LRP1B: variants seen among roughly 807,000 people sequenced by gnomAD.
LRP1B encodes LDL receptor related protein 1B, also known as low-density lipoprotein receptor-related protein 1B.
In LRP1B, 217 loss-of-function variants were observed where a neutral mutation model predicts 556.6. That is an observed-to-expected ratio of 0.39 (90% CI 0.35 to 0.44). The LOEUF (loss-of-function observed/expected upper bound fraction) is 0.44. LRP1B is among the 20% of genes least tolerant of loss of function. The probability of loss-of-function intolerance (pLI) is 1.00; values close to 1 mark genes in which losing one functional copy is unlikely to be tolerated. For missense variants in LRP1B, 5,053 were observed against 5,620.8 expected (o/e 0.90, Z 3.23); for synonymous variants, 2,047 against 1,865.8 (o/e 1.10, Z -2.50).
Position 140,751,178 on chromosome 2 carries a change from A to T in LRP1B, c.5758+18035T>A, listed in dbSNP as rs989863560. On this transcript the variant is annotated intron_variant, in intron 35 of 90. Coordinates refer to ENST00000389484, the MANE Select transcript of LRP1B (RefSeq NM_018557.3). Reference sequence around the variant, plus strand: ...TGGCTAATTTTTGTATCTTTAGTAGAGACGGGGTTTCACCATGTTGGCCAG... The same window carrying T: ...TGGCTAATTTTTGTATCTTTAGTAGTGACGGGGTTTCACCATGTTGGCCAG... 2.0e-5 allele frequency among the ~76,000 whole-genome samples: 3 copies of T among 152,004 alleles called. No individual in the cohort carries two copies. In the South Asian group the frequency reaches 6.2e-4, roughly 31 times the overall value.
chr2:141,691,226 A>G (rs868634669), intron 2 of LRP1B, among the ~76,000 whole-genome samples: 2 of 151,908 alleles, frequency 1.3e-5, no homozygotes, highest in African/African-American at 4.8e-5. Flanking sequence ...CAGCTGAAAA[A>G]TACTAAGCAG....
At chr2:141,048,677 A>G (rs1477813012) in intron 11 of LRP1B, among the ~76,000 whole-genome samples, 1 of 152,128 alleles carries the variant, frequency 6.6e-6, no homozygotes, top group Non-Finnish European at 1.5e-5. Flanking sequence ...ATCTTCTACC[A>G]TACAGCACTG....
chr2:140,782,828 T>C (rs898629353), intron 32 of LRP1B, among the ~76,000 whole-genome samples: 4 of 152,108 alleles, frequency 2.6e-5, no homozygotes, highest in African/African-American at 9.7e-5. Flanking sequence ...GTAAATACAA[T>C]TGTCTTATTT....
intron 59 of LRP1B, among the ~76,000 whole-genome samples, chr2:140,477,275 GTAATA>G (rs1353390470): frequency 6.6e-6 from 1 of 151,980 alleles, no homozygotes; most frequent in Non-Finnish European, 1.5e-5. Context: ...TATCTGAAAT[GTAATA>G]TATTTATTCC....
intron 2 of LRP1B, among the ~76,000 whole-genome samples, chr2:141,525,918 CTTTG>C (rs1684681635): frequency 1.3e-5 from 2 of 151,830 alleles, no homozygotes; most frequent in Admixed American, 6.6e-5. Context: ...GCTGGGTGTT[CTTTG>C]TTTTATTATT....
At chr2:140,290,265 G>A (rs566765725) in intron 84 of LRP1B, among the ~76,000 whole-genome samples, 49 of 152,178 alleles carry the variant, frequency 3.2e-4, no homozygotes, top group African/African-American at 1.1e-3. Flanking sequence ...CATTGAGGGC[G>A]TAATGTGTCA....
chr2:140,821,211 T>C (rs1352655235), intron 31 of LRP1B, among the ~76,000 whole-genome samples: 1 of 152,168 alleles, frequency 6.6e-6, no homozygotes, highest in Non-Finnish European at 1.5e-5. Flanking sequence ...GTCTAGTACC[T>C]AGTGTACACT....
chr2:140,868,360 G>T, intron 25 of LRP1B, 97 bp from the exon 26 acceptor site: 1 of 1,132,798 alleles, frequency 8.8e-7, no homozygotes, highest in Non-Finnish European at 1.2e-6. Flanking sequence ...GCACTGGATA[G>T]GTGATAAGTC....
At chr2:141,948,344 TAAGA>T (rs1701014090) in intron 1 of LRP1B, among the ~76,000 whole-genome samples, 1 of 151,838 alleles carries the variant, frequency 6.6e-6, no homozygotes, top group Non-Finnish European at 1.5e-5. Context: ...GAAATTTTTA[TAAGA>T]AATATAGACA....
In LRP1B at chr2:141,681,173, G is replaced by A. The variant is rs189833070; in HGVS notation, c.205+129106C>T. On this transcript the variant is annotated intron_variant, in intron 2 of 90. Coordinates refer to ENST00000389484, the MANE Select transcript of LRP1B (RefSeq NM_018557.3). ...CCAGGTGTGGTGGCATTCGCCTATA[G>A]TCCCAGCTCCTTGGAGGCTGAGGTG... 7.9e-5 allele frequency among the ~76,000 whole-genome samples: 12 copies of A among 152,160 alleles called. No individual in the cohort carries two copies. The East Asian group carries it at 1.9e-3, about 25-fold the overall frequency.
chr2:140,246,480 C>A (rs567142918), intron 87 of LRP1B, among the ~76,000 whole-genome samples: 14 of 150,926 alleles, frequency 9.3e-5, no homozygotes, highest in African/African-American at 3.4e-4. Context: ...TGATATAGAC[C>A]CACAACGATG....
At chr2:141,361,312 T>A (rs1187626910) in intron 3 of LRP1B, among the ~76,000 whole-genome samples, 1 of 152,180 alleles carries the variant, frequency 6.6e-6, no homozygotes, top group African/African-American at 2.4e-5. Flanking sequence ...TTAAAATAAT[T>A]GTTTTCTTAG....
chr2:140,999,938 G>A (rs1471663143), intron 15 of LRP1B, among the ~76,000 whole-genome samples: 2 of 151,916 alleles, frequency 1.3e-5, no homozygotes, highest in Admixed American at 6.6e-5. Flanking sequence ...TTGAGATGGG[G>A]TCTTGCTCTG....
chr2:141,541,763 A>G (rs550734395), intron 2 of LRP1B, among the ~76,000 whole-genome samples: 1 of 152,220 alleles, frequency 6.6e-6, no homozygotes, highest in South Asian at 2.1e-4. Context: ...GTAATCTAAT[A>G]GAATACATAA....
intron 25 of LRP1B, among the ~76,000 whole-genome samples, chr2:140,878,128 C>T (rs577401630): frequency 9.9e-5 from 15 of 152,226 alleles, no homozygotes; most frequent in African/African-American, 3.4e-4. Flanking sequence ...GGACAATGTA[C>T]TGATAATTGT....
chr2:141,032,906 T>TA (rs1179424262), intron 11 of LRP1B, among the ~76,000 whole-genome samples: 1 of 149,758 alleles, frequency 6.7e-6, no homozygotes, highest in Non-Finnish European at 1.5e-5. Flanking sequence ...CCAGAACCAT[T>TA]AAAAAATACA....
At chr2:140,502,245 C>T (rs1328401051) in intron 54 of LRP1B, among the ~76,000 whole-genome samples, 2 of 151,930 alleles carry the variant, frequency 1.3e-5, no homozygotes, top group Non-Finnish European at 2.9e-5. Flanking sequence ...TTATATGTCA[C>T]TAAAAACTAA....
At position 140,383,950 on chromosome 2, in the gene LRP1B, T is replaced by G. The variant is rs117421070; in HGVS notation, c.10531+1943A>C. On this transcript the variant is annotated intron_variant, in intron 67 of 90. Coordinates refer to ENST00000389484, the MANE Select transcript of LRP1B (RefSeq NM_018557.3). The stretch of plus-strand genomic sequence containing the variant: ...ATCACTGAGTTTCCACAGTGACAAG[T>G]GAGAGTCAATGTTCTTTCTCCTTGC... Among the ~76,000 whole-genome samples, 87 of 152,292 alleles carry G rather than the reference T, an allele frequency of 5.7e-4. 1 individual carries two copies. In the East Asian group the frequency reaches 0.014, roughly 25 times the overall value.
In LRP1B at chr2:141,494,545, T is replaced by C. The variant is rs1221349757; in HGVS notation, c.206-14012A>G. Among the ~76,000 whole-genome samples the C allele has an allele frequency of 2.0e-5, 3 of 151,688 alleles. No individual in the cohort carries two copies. The South Asian group carries it at 6.3e-4, about 32-fold the overall frequency. On this transcript the variant is annotated intron_variant, in intron 2 of 90. Coordinates refer to ENST00000389484, the MANE Select transcript of LRP1B (RefSeq NM_018557.3). The stretch of plus-strand genomic sequence containing the variant: ...AATATTAGGCTGGTGTAAAAGTAAT[T>C]GCTGTTTTTGCCACTGAAACTAATA...
Sources: gnomAD v4.1 joint callset for allele counts (sites outside exome capture counted in the v4.1 genomes callset) on GRCh38, gnomAD v4.1.1 for gene constraint, MANE v1.5 for transcripts, NCBI Gene and HGNC (gene_info 2026-07-23, HGNC 2026-07-21) for gene names.